The following DNHD1 variants were observed in gnomAD, a reference collection of about 807,000 sequenced individuals.
The protein encoded by DNHD1 is dynein heavy chain domain-containing protein 1.
A neutral mutation model predicts 458.1 loss-of-function variants in DNHD1; 383 were observed. That is an observed-to-expected ratio of 0.84 (90% CI 0.77 to 0.91). The LOEUF is 0.91. DNHD1 is among the 40% of genes least tolerant of loss of function. DNHD1 has a pLI of 0.00. For synonymous variants in DNHD1, 2,203 were observed against 2,376.9 expected (o/e 0.93, Z 2.13); for missense variants, 5,336 against 5,866.1 (o/e 0.91, Z 2.95).
chr11:6,517,854 C>T (rs548434629), intron 7 of DNHD1, among the ~76,000 whole-genome samples: 129 of 151,948 alleles, frequency 8.5e-4, no homozygotes, highest in African/African-American at 2.8e-3. Context: ...CAATATGTCT[C>T]ACAAATTTCT....
intron 24 of DNHD1, among the ~76,000 whole-genome samples, chr11:6,551,723 A>C (rs1391937628): frequency 3.3e-5 from 5 of 152,158 alleles, no homozygotes; most frequent in East Asian, 3.9e-4. Context: ...AGGGCAGATC[A>C]CGAGGTCAGG....
intron 4 of DNHD1, chr11:6,504,298 T>G (rs1405029002): frequency 6.6e-6 from 1 of 152,252 alleles, no homozygotes; most frequent in Non-Finnish European, 1.5e-5. Context: ...ACTTTTTCTC[T>G]TTTTTCAGCT....
chr11:6,567,592 C>T lies in DNHD1; in HGVS notation c.12083C>T (p.Pro4028Leu), dbSNP rs1357099854. 1 of 1,613,360 alleles carries T rather than the reference C, an allele frequency of 6.2e-7. No homozygotes were observed. The highest frequency in any genetic ancestry group is 1.1e-5 in the South Asian group (1 of 91,018). Residue 4028 changes from proline (P) to leucine (L), a missense_variant, in exon 36 of 43, where the codon CCT (proline) becomes CTT (leucine). Around this residue, in one of 4 missense-constraint regions of DNHD1, gnomAD observed 695 missense variants for 804.2 expected, o/e 0.86. Coordinates refer to ENST00000254579, the MANE Select transcript of DNHD1 (RefSeq NM_144666.3). ...TCATCCACAGTGCTGGGTCCTGCAC[C>T]TGGGCCAGGGCCTGAGCCACTCAGC... The part of the protein sequence containing the change: ...SLSSTVLGPA[P>L]GPGPEPLSLL...
intron 10 of DNHD1, chr11:6,520,900 A>T (rs1284011673): frequency 8.3e-6 from 8 of 968,738 alleles, no homozygotes; most frequent in Non-Finnish European, 9.8e-6. Context: ...TAATTTCCTC[A>T]TTCAACTTCT....
At chr11:6,555,502 A>G (rs1853443077) in intron 24 of DNHD1, among the ~76,000 whole-genome samples, 1 of 152,190 alleles carries the variant, frequency 6.6e-6, no homozygotes, top group Non-Finnish European at 1.5e-5. Flanking sequence ...GGCACACTGT[A>G]AACCCCCACA....
intron 13 of DNHD1, among the ~76,000 whole-genome samples, chr11:6,533,479 C>G (rs1198564057): frequency 6.6e-6 from 1 of 152,172 alleles, no homozygotes; most frequent in Non-Finnish European, 1.5e-5. Context: ...GTGGACCCTT[C>G]ACCAGAGAGA....
chr11:6,524,751 A>G (rs1376833718), intron 10 of DNHD1, among the ~76,000 whole-genome samples: 2 of 152,210 alleles, frequency 1.3e-5, no homozygotes, highest in Non-Finnish European at 1.5e-5. Flanking sequence ...ATAAACGTCT[A>G]TTATATGGGC....
chr11:6,524,554 C>T (rs1213815262), intron 10 of DNHD1, among the ~76,000 whole-genome samples: 2 of 152,220 alleles, frequency 1.3e-5, no homozygotes, highest in Non-Finnish European at 2.9e-5. Flanking sequence ...TTAGTTCAAA[C>T]TTCAAGACAA....
chr11:6,544,984 C>T lies in DNHD1; in HGVS notation c.4045C>T (p.Leu1349Phe). ...CATCATCATGAGTCTGGAGAGCGTG[C>T]TCTATGGGGTGTGTGCTCACTTCCC... Reference protein sequence around the residue: ...EGIIMSLESVLYGVCAHFPRL... With the variant: ...EGIIMSLESVFYGVCAHFPRL... Residue 1349 changes from leucine (L) to phenylalanine (F), a missense_variant, in exon 21 of 43, where the codon CTC becomes TTC. This residue lies in a region of DNHD1 where 3,932 missense variants were observed against 4,365.6 expected (regional missense o/e 0.90). Coordinates refer to ENST00000254579, the MANE Select transcript of DNHD1 (RefSeq NM_144666.3). 1 of 1,551,724 alleles carries T rather than the reference C, an allele frequency of 6.4e-7. No homozygotes were observed. The highest frequency in any genetic ancestry group is 1.4e-5 in the African/African-American group (1 of 73,170).
At chr11:6,543,922 G>C (rs2134425844) in intron 18 of DNHD1, among the ~76,000 whole-genome samples, 199 bp from the exon 19 acceptor site, 1 of 120,114 alleles carries the variant, frequency 8.3e-6, no homozygotes, top group Non-Finnish European at 1.6e-5. Context: ...TCGTGCCATT[G>C]CACTCTAGCC....
intron 20 of DNHD1, 60 bp downstream of exon 20, chr11:6,544,731 G>C: frequency 1.9e-6 from 3 of 1,539,864 alleles, no homozygotes; most frequent in Non-Finnish European, 2.6e-6. Flanking sequence ...AGGGCTCAGC[G>C]TGGGAAAGGG....
In DNHD1 at chr11:6,534,111, G is replaced by C. The variant is rs150883198; in HGVS notation, c.2936G>C (p.Arg979Pro). ...GAGCACCAGCTCGTCTCCCTAGAGC[G>C]TCAGTTCCAGAACACAGTCAGCGAC... ...STEHQLVSLE[R>P]QFQNTVSDLS... The change falls in exon 14 of 43, where the codon CGT becomes CCT. Residue 979 changes from arginine to proline, a missense_variant. Coordinates refer to ENST00000254579, the MANE Select transcript of DNHD1 (RefSeq NM_144666.3). The C allele has an allele frequency of 1.9e-6, 3 of 1,551,238 alleles. No individual in the cohort carries two copies. Among genetic ancestry groups the C allele is most frequent in the African/African-American group, 2.7e-5 (2 of 72,956 alleles).
Position 6,556,865 on chromosome 11 carries a change from G to T in DNHD1, c.7570G>T (p.Val2524Phe), listed in dbSNP as rs1253430892. The T allele has an allele frequency of 2.6e-6, 4 of 1,551,640 alleles. No individual in the cohort carries two copies. The East Asian group carries it at 9.8e-5, about 38-fold the overall frequency. The part of the protein sequence containing the change: ...LCPRLFRLFT[V>F]LALESMTQAT... ...TCCACGCCTCTTTCGACTCTTCACAGTCCTGGCCCTGGAAAGCATGACCCA... is the reference window on the plus strand; with the variant it reads ...TCCACGCCTCTTTCGACTCTTCACATTCCTGGCCCTGGAAAGCATGACCCA... The change falls in exon 25 of 43, where the codon GTC becomes TTC. Residue 2524 changes from valine (V) to phenylalanine (F), a missense_variant. Physicochemically the swap from Val to Phe is conservative, Grantham distance 50. Coordinates refer to ENST00000254579, the MANE Select transcript of DNHD1 (RefSeq NM_144666.3).
At position 6,562,788 on chromosome 11, in the gene DNHD1, G is replaced by A. The variant is rs546466596; in HGVS notation, c.9520-194G>A. On this transcript the variant is annotated intron_variant, in intron 28 of 42. Transcript: ENST00000254579. ...AAAGCAACCACACACTTGGGGCTGC[G>A]TTACTAGATATATAACTCACAGACT... Among the ~76,000 whole-genome samples, 14 of 152,270 alleles carry A rather than the reference G, an allele frequency of 9.2e-5. No individual in the cohort carries two copies. In the South Asian group the frequency reaches 2.1e-3, roughly 23 times the overall value.
chr11:6,540,619 A>G (rs1258016147), intron 18 of DNHD1, among the ~76,000 whole-genome samples: 7 of 152,206 alleles, frequency 4.6e-5, no homozygotes. Context: ...AATCTCAGAG[A>G]GAGGACCAGC....
rs370674723 is a variant in DNHD1, at chr11:6,511,107, T to C, written c.1236-166T>C. On this transcript the variant is annotated intron_variant, in intron 6 of 42. Coordinates refer to ENST00000254579, the MANE Select transcript of DNHD1 (RefSeq NM_144666.3). ...AAGCAGCTTTATGGGCTTATACTCT[T>C]TCAGAGAACTCTCGAGAGGGAGCTG... 8.5e-5 allele frequency among the ~76,000 whole-genome samples: 13 copies of C among 152,338 alleles called. No homozygotes were observed. The East Asian group carries it at 1.2e-3, about 14-fold the overall frequency.
intron 7 of DNHD1, among the ~76,000 whole-genome samples, chr11:6,518,600 G>A (rs1852540462): frequency 1.3e-5 from 2 of 152,132 alleles, no homozygotes; most frequent in Non-Finnish European, 2.9e-5. Context: ...GAAATAAGGT[G>A]TAACAGAGAT....
intron 12 of DNHD1, among the ~76,000 whole-genome samples, chr11:6,529,417 G>A (rs1490687311): frequency 6.6e-6 from 1 of 152,112 alleles, no homozygotes; most frequent in Non-Finnish European, 1.5e-5. Context: ...GGAATCTAGG[G>A]TGCTTTCTCT....
In DNHD1 at chr11:6,498,712, C is replaced by G; in HGVS notation, c.497C>G (p.Pro166Arg). ...LHHRPPCPAC[P>R]FVQAQWSRQQ... Reference sequence around the variant, plus strand: ...CACAGGCCCCCATGCCCAGCTTGCCCTTTTGTGCAGGCCCAGTGGAGCAGG... The same window carrying G: ...CACAGGCCCCCATGCCCAGCTTGCCGTTTTGTGCAGGCCCAGTGGAGCAGG... The change falls in exon 3 of 43, where the codon CCT becomes CGT. Residue 166 changes from proline (P) to arginine (R), a missense_variant. This residue lies in a region of DNHD1 where 3,932 missense variants were observed against 4,365.6 expected (regional missense o/e 0.90). Transcript: ENST00000254579. The G allele has an allele frequency of 1.2e-6, 2 of 1,614,198 alleles. No homozygotes were observed. The highest frequency in any genetic ancestry group is 1.1e-5 in the South Asian group (1 of 91,088).
Sources: allele counts gnomAD v4.1 joint callset (sites outside exome capture counted in the v4.1 genomes callset), GRCh38; gene constraint gnomAD v4.1.1; regional missense constraint gnomAD v4.1.1; transcripts MANE v1.5; gene names NCBI Gene and HGNC (gene_info 2026-07-23, HGNC 2026-07-21).